Variants in UNC5D observed in about 807,000 individuals in gnomAD.
UNC5D encodes netrin receptor UNC5D.
UNC5D carries 39 observed loss-of-function variants against 105.4 expected under a neutral mutation model. The ratio of observed to expected loss-of-function variants is 0.37; its 90% CI spans 0.29 to 0.48. The LOEUF is 0.48. Among genes scored for constraint, UNC5D ranks in the 20% least tolerant of loss-of-function variants. UNC5D has a pLI of 0.98. For missense variants in UNC5D, 991 were observed against 1,202.4 expected, an observed-to-expected ratio of 0.82 and a Z score of 2.60; for synonymous variants, 452 against 450.4, an observed-to-expected ratio of 1.00 and a Z score of -0.04.
At chr8:35,390,934 G>A (rs1169314232) in intron 1 of UNC5D, among the ~76,000 whole-genome samples, 1 of 152,184 alleles carries the variant, frequency 6.6e-6, no homozygotes, top group Non-Finnish European at 1.5e-5. Context: ...AAAAGCAGTT[G>A]GTTTTTAGTG....
At chr8:35,247,311 G>A (rs1803174323) in intron 1 of UNC5D, among the ~76,000 whole-genome samples, 1 of 150,124 alleles carries the variant, frequency 6.7e-6, no homozygotes, top group Middle Eastern at 3.2e-3. Flanking sequence ...AGAATGCTGA[G>A]GTCATGATAT....
At chr8:35,487,042 G>T (rs1279374794) in intron 1 of UNC5D, among the ~76,000 whole-genome samples, 1 of 152,074 alleles carries the variant, frequency 6.6e-6, no homozygotes, top group South Asian at 2.1e-4. Flanking sequence ...ACTAAGATTT[G>T]CTAGATAATT....
At chr8:35,511,573 G>C (rs1478699160) in intron 1 of UNC5D, among the ~76,000 whole-genome samples, 1 of 151,640 alleles carries the variant, frequency 6.6e-6, no homozygotes, top group Non-Finnish European at 1.5e-5. Flanking sequence ...AACAAAGGTC[G>C]AGAGGAGTTA....
intron 4 of UNC5D, among the ~76,000 whole-genome samples, chr8:35,604,170 A>C (rs568900330): frequency 3.0e-4 from 46 of 152,162 alleles, no homozygotes; most frequent in Non-Finnish European, 5.6e-4. Flanking sequence ...ATGTTTTTGC[A>C]GTGGCTGGTA....
In UNC5D at chr8:35,793,663, A is replaced by G. The variant is rs1475356833; in HGVS notation, c.*3100A>G. 1 of 152,786 alleles carries G rather than the reference A, an allele frequency of 6.5e-6. No homozygotes were observed. Among genetic ancestry groups the G allele is most frequent in the Non-Finnish European group, 1.5e-5 (1 of 68,152 alleles). The allele number at this position is 152,786 out of a possible 1,614,324, so 9.5% of individuals were successfully genotyped here. The stretch of plus-strand genomic sequence containing the variant: ...ATAAAGTTAATTTACAGTTTTTACA[A>G]CATTGCTTCTACATTCTTACTGGTT... On this transcript the variant is annotated 3_prime_UTR_variant, in exon 17 of 17. Transcript: ENST00000404895.
intron 1 of UNC5D, among the ~76,000 whole-genome samples, chr8:35,475,485 C>A (rs1161232671): frequency 6.6e-6 from 1 of 152,204 alleles, no homozygotes; most frequent in Non-Finnish European, 1.5e-5. Context: ...TCAACTCCCA[C>A]CTTCTACAGT....
chr8:35,713,847 T>A (rs1488152315), intron 8 of UNC5D, among the ~76,000 whole-genome samples: 3 of 151,998 alleles, frequency 2.0e-5, no homozygotes, highest in Admixed American at 2.0e-4. Context: ...GTAGTCAGGT[T>A]TGACCAAAGA....
At chr8:35,324,808 T>A (rs1367511310) in intron 1 of UNC5D, among the ~76,000 whole-genome samples, 1 of 152,226 alleles carries the variant, frequency 6.6e-6, no homozygotes, top group Non-Finnish European at 1.5e-5. Context: ...TTCTCTGTGC[T>A]GAAAAAGGCA....
intron 4 of UNC5D, among the ~76,000 whole-genome samples, chr8:35,627,636 G>T (rs1397638877): frequency 6.6e-6 from 1 of 152,066 alleles, no homozygotes; most frequent in East Asian, 1.9e-4. Flanking sequence ...TTTTTAAAAA[G>T]AATAAAACTT....
At chr8:35,642,994 C>T (rs1408448916) in intron 4 of UNC5D, among the ~76,000 whole-genome samples, 4 of 152,148 alleles carry the variant, frequency 2.6e-5, no homozygotes, top group Non-Finnish European at 5.9e-5. Context: ...GCTAGGAAGA[C>T]ATCCTTAACA....
At chr8:35,573,203 A>G (rs1472332090) in intron 3 of UNC5D, among the ~76,000 whole-genome samples, 1 of 152,226 alleles carries the variant, frequency 6.6e-6, no homozygotes, top group East Asian at 1.9e-4. Context: ...ATGTTTCTGA[A>G]GCACTATTTG....
At chr8:35,322,008 T>C (rs1809784202) in intron 1 of UNC5D, among the ~76,000 whole-genome samples, 1 of 152,220 alleles carries the variant, frequency 6.6e-6, no homozygotes, top group South Asian at 2.1e-4. Context: ...AAATGCGTTA[T>C]GAATTTGTAT....
chr8:35,330,641 C>T (rs912785673), intron 1 of UNC5D, among the ~76,000 whole-genome samples: 1 of 152,098 alleles, frequency 6.6e-6, no homozygotes, highest in Non-Finnish European at 1.5e-5. Context: ...AAACAAAATA[C>T]ATTTAGGCTT....
chr8:35,522,999 C>T lies in UNC5D; in HGVS notation c.104-26293C>T, dbSNP rs576354575. 1.4e-4 allele frequency among the ~76,000 whole-genome samples: 21 copies of T among 151,774 alleles called. No individual in the cohort carries two copies. The South Asian group carries it at 3.5e-3, about 26-fold the overall frequency. ...TCTAACAATATAATGAAGCCTATTG[C>T]ATGGATCTAGATGTATTTCTTTCTT... On this transcript the variant is annotated intron_variant, in intron 1 of 16. Coordinates refer to ENST00000404895, the MANE Select transcript of UNC5D (RefSeq NM_080872.4).
intron 14 of UNC5D, 62 bp from the exon 15 acceptor site, chr8:35,766,840 C>G: frequency 1.3e-6 from 2 of 1,534,446 alleles, no homozygotes; most frequent in Non-Finnish European, 1.8e-6. Flanking sequence ...TTAAGTCTCT[C>G]CTGTTCTAGT....
At chr8:35,356,803 G>C (rs4739302) in intron 1 of UNC5D, among the ~76,000 whole-genome samples, 80,470 of 151,610 alleles carry the variant, frequency 0.53, 22,087 homozygotes, top group East Asian at 0.7. Context: ...GATAATGTGA[G>C]AGTCGGTCTG....
intron 1 of UNC5D, among the ~76,000 whole-genome samples, chr8:35,544,788 A>G (rs1815531525): frequency 1.3e-5 from 2 of 151,734 alleles, no homozygotes; most frequent in Non-Finnish European, 2.9e-5. Flanking sequence ...TTTTTAGTAG[A>G]GACGGGGTTT....
intron 7 of UNC5D, among the ~76,000 whole-genome samples, chr8:35,702,142 G>A (rs1827245906): frequency 6.6e-6 from 1 of 151,780 alleles, no homozygotes; most frequent in Admixed American, 6.6e-5. Context: ...TTAGACCCTG[G>A]GAAAACTGCT....
intron 1 of UNC5D, among the ~76,000 whole-genome samples, chr8:35,246,002 A>G (rs955120590): frequency 6.6e-6 from 1 of 152,080 alleles, no homozygotes; most frequent in Non-Finnish European, 1.5e-5. Flanking sequence ...CTAACCCCCT[A>G]TGCTCGGTCT....
Sources: allele counts gnomAD v4.1 joint callset (sites outside exome capture counted in the v4.1 genomes callset), GRCh38; gene constraint gnomAD v4.1.1; transcripts MANE v1.5; gene names NCBI Gene and HGNC (gene_info 2026-07-23, HGNC 2026-07-21).